HMCN1: variants seen among roughly 807,000 people sequenced by gnomAD.
HMCN1 encodes hemicentin 1.
A neutral mutation model predicts 625.9 loss-of-function variants in HMCN1; 321 were observed. The ratio of observed to expected loss-of-function variants is 0.51; its 90% CI spans 0.47 to 0.56. The LOEUF is 0.56. Ranked by LOEUF, HMCN1 falls within the 20% of genes least tolerant of loss-of-function variation. The pLI is 0.00. For synonymous variants in HMCN1, 2,425 were observed against 2,417.6 expected (o/e 1.00, Z -0.09); for missense variants, 6,588 against 6,887.3 (o/e 0.96, Z 1.54).
rs540362699 is a variant in HMCN1 at position 186,087,915 on chromosome 1, G to C, written c.9364-17G>C. 8.8e-6 allele frequency: 14 copies of C among 1,598,054 alleles called. No individual in the cohort carries two copies. The highest frequency in any genetic ancestry group is 1.1e-5 in the Non-Finnish European group (13 of 1,165,836). ...ATAACTTAATGGAGCACATACAATA[G>C]TATCTTTTTCTTTTAGGTATCTGAC... is the stretch of plus-strand genomic sequence containing the variant. On this transcript the variant is annotated splice_polypyrimidine_tract_variant and intron_variant, in intron 60 of 106. Transcript: ENST00000271588.
intron 105 of HMCN1, among the ~76,000 whole-genome samples, chr1:186,185,200 C>A (rs1571482860): frequency 6.6e-6 from 1 of 152,298 alleles, no homozygotes; most frequent in East Asian, 1.9e-4. Flanking sequence ...TGTGCGTCCA[C>A]CTTCTAGTCT....
chr1:185,788,594 C>T (rs1657783186), intron 1 of HMCN1, among the ~76,000 whole-genome samples: 1 of 152,164 alleles, frequency 6.6e-6, no homozygotes, highest in African/African-American at 2.4e-5. Flanking sequence ...TTGTAATTTT[C>T]ATCCCTTAGA....
intron 46 of HMCN1, among the ~76,000 whole-genome samples, 158 bp downstream of exon 46, chr1:186,057,559 T>C (rs1657422103): frequency 6.6e-6 from 1 of 152,026 alleles, no homozygotes; most frequent in African/African-American, 2.4e-5. Context: ...TTTAAAAGGA[T>C]GTAAGAAACT....
Position 186,125,594 on chromosome 1 carries a change from C to A in HMCN1, c.12500-10C>A. On this transcript the variant is annotated splice_polypyrimidine_tract_variant and intron_variant, in intron 81 of 106. Transcript: ENST00000271588. ...GCTTCCTGGATGACTCTTTTTTAAA[C>A]TCTTCATAGTACCACCCAGGATCAG... The A allele has an allele frequency of 1.2e-6, 2 of 1,606,996 alleles. No individual in the cohort carries two copies. The highest frequency in any genetic ancestry group is 1.7e-6 in the Non-Finnish European group (2 of 1,173,806).
Position 186,128,061 on chromosome 1 carries a change from A to C in HMCN1, c.12691-17A>C, listed in dbSNP as rs1319303578. On this transcript the variant is annotated splice_polypyrimidine_tract_variant and intron_variant, in intron 82 of 106. Transcript: ENST00000271588. ...GGATGATTATGAAATTTTAAATGTT[A>C]CTTTTTTTAATTTTAGCTGGAGGAT... 1.2e-6 allele frequency: 2 copies of C among 1,607,612 alleles called. No individual in the cohort carries two copies. The highest frequency in any genetic ancestry group is 1.7e-6 in the Non-Finnish European group (2 of 1,174,732).
In HMCN1 at chr1:186,065,233, T is replaced by G; in HGVS notation, c.7514-5T>G. On this transcript the variant is annotated splice_region_variant and splice_polypyrimidine_tract_variant and intron_variant, in intron 48 of 106. Transcript: ENST00000271588. ...TAGCTGACTCTCAGAAATGGATTTTTACAGGGAATCCAGTGCCAGAAATTA... is the reference window on the plus strand; with the variant it reads ...TAGCTGACTCTCAGAAATGGATTTTGACAGGGAATCCAGTGCCAGAAATTA... 6.2e-7 allele frequency: 1 copy of G among 1,610,788 alleles called. No individual in the cohort carries two copies. The highest frequency in any genetic ancestry group is 8.5e-7 in the Non-Finnish European group (1 of 1,179,100).
At position 186,095,336 on chromosome 1, in the gene HMCN1, C is replaced by G. The variant is rs769367358; in HGVS notation, c.10388C>G (p.Pro3463Arg). The stretch of plus-strand genomic sequence containing the variant: ...ATGGCATGCATTACTGATGGAACCC[C>G]AGCTCCCAGTATGGCCTGGCTTAGA... ...TSMACITDGT[P>R]APSMAWLRDG... The change falls in exon 68 of 107, where the codon CCA becomes CGA. Residue 3463 changes from proline to arginine, a missense_variant. Around this residue, in one of 3 missense-constraint regions of HMCN1, gnomAD observed 4,628 missense variants for 4,853.1 expected, o/e 0.95. Coordinates refer to ENST00000271588, the MANE Select transcript of HMCN1 (RefSeq NM_031935.3). 1 of 1,613,762 alleles carries G rather than the reference C, an allele frequency of 6.2e-7. No individual in the cohort carries two copies. The highest frequency in any genetic ancestry group is 1.1e-5 in the South Asian group (1 of 91,082).
At chr1:186,089,599 A>G (rs17511409) in intron 63 of HMCN1, among the ~76,000 whole-genome samples, 305 of 152,146 alleles carry the variant, frequency 2.0e-3, no homozygotes, top group Non-Finnish European at 3.1e-3. Context: ...CAGAAGTTGC[A>G]TATTGAATTA....
intron 20 of HMCN1, among the ~76,000 whole-genome samples, chr1:185,989,280 C>A (rs1453756490): frequency 6.6e-6 from 1 of 152,008 alleles, no homozygotes; most frequent in Non-Finnish European, 1.5e-5. Context: ...CAGGTGTGAG[C>A]CACCGCACCT....
At chr1:186,152,627 A>G (rs1650746060) in intron 95 of HMCN1, 123 bp from the exon 96 acceptor site, 3 of 1,142,108 alleles carry the variant, frequency 2.6e-6, no homozygotes, top group East Asian at 2.4e-5. Context: ...AGTTCTCATC[A>G]TCTATACTTA....
intron 2 of HMCN1, among the ~76,000 whole-genome samples, chr1:185,847,393 T>C (rs1025218720): frequency 9.2e-5 from 14 of 152,216 alleles, no homozygotes; most frequent in Admixed American, 1.3e-4. Context: ...TTCTTCTCAA[T>C]GACAATTCCA....
At chr1:185,998,888 A>G (rs1311879041) in intron 25 of HMCN1, among the ~76,000 whole-genome samples, 3 of 152,140 alleles carry the variant, frequency 2.0e-5, no homozygotes, top group African/African-American at 7.2e-5. Flanking sequence ...TCATAAAGGA[A>G]TGACTGAGAT....
chr1:186,019,943 T>G (rs748173015), intron 35 of HMCN1, among the ~76,000 whole-genome samples: 65 of 152,064 alleles, frequency 4.3e-4, no homozygotes, highest in Non-Finnish European at 9.0e-4. Flanking sequence ...TATATTATTT[T>G]GATTTATGCC....
chr1:185,992,969 AG>A (rs1652532125), intron 22 of HMCN1, among the ~76,000 whole-genome samples: 1 of 152,176 alleles, frequency 6.6e-6, no homozygotes, highest in Non-Finnish European at 1.5e-5. Flanking sequence ...AAGATTTAAA[AG>A]TAAAATAAAA....
At chr1:185,993,749 C>G (rs956739157) in intron 23 of HMCN1, among the ~76,000 whole-genome samples, 1 of 152,078 alleles carries the variant, frequency 6.6e-6, no homozygotes, top group African/African-American at 2.4e-5. Flanking sequence ...ACTACAGCTC[C>G]CTAGTTAGTT....
chr1:186,005,996 C>T (rs896943043), intron 29 of HMCN1, among the ~76,000 whole-genome samples: 7 of 151,834 alleles, frequency 4.6e-5, no homozygotes, highest in African/African-American at 9.7e-5. Flanking sequence ...ATTAGCCATG[C>T]GTGGTGGCAG....
chr1:185,830,282 T>G (rs984380587), intron 1 of HMCN1, among the ~76,000 whole-genome samples: 3 of 152,208 alleles, frequency 2.0e-5, no homozygotes, highest in Non-Finnish European at 4.4e-5. Flanking sequence ...TTGGCTTTAG[T>G]TGCAATTGCT....
At position 185,909,481 on chromosome 1, in the gene HMCN1, C is replaced by G; in HGVS notation, c.766C>G (p.Pro256Ala). ...CACTGTGTCTTTGAGTGGGCCTTCT[C>G]CAATGATTGAAATTCGCAATCCTTT... Reference protein sequence around the residue: ...EVTVSLSGPSPMIEIRNPLGK... With the variant: ...EVTVSLSGPSAMIEIRNPLGK... The change falls in exon 5 of 107, where the codon CCA becomes GCA. Residue 256 changes from proline to alanine, a missense_variant. By Grantham distance (27) the Pro-to-Ala change is conservative. Coordinates refer to ENST00000271588, the MANE Select transcript of HMCN1 (RefSeq NM_031935.3). 6.2e-7 allele frequency: 1 copy of G among 1,613,466 alleles called. No individual in the cohort carries two copies. Among genetic ancestry groups the G allele is most frequent in the African/African-American group, 1.3e-5 (1 of 74,998 alleles).
chr1:186,101,247 G>A (rs1215552120), intron 68 of HMCN1, among the ~76,000 whole-genome samples: 2 of 152,110 alleles, frequency 1.3e-5, no homozygotes, highest in Non-Finnish European at 2.9e-5. Flanking sequence ...CTGGAAATAA[G>A]TACAGTGGAA....
Sources: allele counts gnomAD v4.1 joint callset (sites outside exome capture counted in the v4.1 genomes callset), GRCh38; gene constraint gnomAD v4.1.1; regional missense constraint gnomAD v4.1.1; transcripts MANE v1.5; gene names NCBI Gene and HGNC (gene_info 2026-07-23, HGNC 2026-07-21).